The following TBC1D5 variants were observed in gnomAD, a reference collection of about 807,000 sequenced individuals.
TBC1D5 encodes TBC1 domain family, member 5.
A neutral mutation model predicts 100.3 loss-of-function variants in TBC1D5; 75 were observed. The ratio of observed to expected loss-of-function variants is 0.75; its 90% CI spans 0.62 to 0.91. TBC1D5 has a LOEUF of 0.91. Ranked by LOEUF, TBC1D5 falls within the 40% of genes least tolerant of loss-of-function variation. The probability of loss-of-function intolerance (pLI) is 0.00; values close to 1 mark genes in which losing one functional copy is unlikely to be tolerated. For missense variants in TBC1D5, 910 were observed against 942.4 expected (o/e 0.97, Z 0.45); for synonymous variants, 323 against 325.6 (o/e 0.99, Z 0.09).
At chr3:17,304,308 C>A (rs1190026551) in intron 14 of TBC1D5, among the ~76,000 whole-genome samples, 1 of 152,182 alleles carries the variant, frequency 6.6e-6, no homozygotes, top group Non-Finnish European at 1.5e-5. Flanking sequence ...CAGACAAAAT[C>A]CTGTCTCTCA....
rs188794917 is a variant in TBC1D5 at position 17,471,916 on chromosome 3, C to T, written c.97+36558G>A. Among the ~76,000 whole-genome samples, 87 of 152,064 alleles carry T rather than the reference C, an allele frequency of 5.7e-4. 1 individual carries two copies. The East Asian group carries it at 0.012, about 21-fold the overall frequency. On this transcript the variant is annotated intron_variant, in intron 3 of 21. Coordinates refer to ENST00000253692, the Ensembl canonical transcript of TBC1D5. ...TGAATTACACATTTGCTGTGGGAGG[C>T]GGTCAGAACATGAGCAGAGTTACCA...
chr3:17,636,904 G>C (rs1265641673), intron 1 of TBC1D5, among the ~76,000 whole-genome samples: 1 of 152,062 alleles, frequency 6.6e-6, no homozygotes, highest in Non-Finnish European at 1.5e-5. Flanking sequence ...TGATAATTTA[G>C]CATTTGATAA....
At chr3:17,353,347 G>T (rs1243151317) in intron 13 of TBC1D5, among the ~76,000 whole-genome samples, 1 of 151,904 alleles carries the variant, frequency 6.6e-6, no homozygotes, top group Non-Finnish European at 1.5e-5. Context: ...AGAGTATAAG[G>T]TCCATAAGTC....
chr3:17,274,114 AG>A (rs1447224481), intron 15 of TBC1D5, among the ~76,000 whole-genome samples: 2 of 152,184 alleles, frequency 1.3e-5, no homozygotes, highest in African/African-American at 4.8e-5. Flanking sequence ...CCACATCAAA[AG>A]GAATAGTTGG....
At position 17,680,888 on chromosome 3, in the gene TBC1D5, T is replaced by C. The variant is rs564467058; in HGVS notation, c.-100-56975A>G. 9.5e-4 allele frequency among the ~76,000 whole-genome samples: 144 copies of C among 151,548 alleles called. 7 individuals are homozygous for C. Among genetic ancestry groups the C allele is most frequent in the African/African-American group, 3.4e-3 (138 of 40,852 alleles). On this transcript the variant is annotated intron_variant, in intron 1 of 21. Coordinates refer to ENST00000253692, the Ensembl canonical transcript of TBC1D5. The stretch of plus-strand genomic sequence containing the variant: ...TTAATTAGTCCAGAATTCAAATACA[T>C]GCCAAATTTTGCAACCACATGGGAG...
chr3:17,649,817 C>T (rs1212153086), intron 1 of TBC1D5, among the ~76,000 whole-genome samples: 2 of 152,178 alleles, frequency 1.3e-5, no homozygotes, highest in Non-Finnish European at 2.9e-5. Context: ...GATTATAAAT[C>T]ATTCTACTAT....
intron 3 of TBC1D5, among the ~76,000 whole-genome samples, chr3:17,442,963 G>A (rs1413518723): frequency 3.3e-5 from 5 of 151,760 alleles, no homozygotes; most frequent in Non-Finnish European, 5.9e-5. Context: ...GGGAGGAAAG[G>A]GAAGAGAGGA....
intron 1 of TBC1D5, among the ~76,000 whole-genome samples, chr3:17,629,713 A>C (rs2063339721): frequency 1.3e-5 from 2 of 152,222 alleles, no homozygotes; most frequent in African/African-American, 4.8e-5. Flanking sequence ...ATAGGCCCCC[A>C]AAAGAAGCTA....
intron 2 of TBC1D5, among the ~76,000 whole-genome samples, chr3:17,566,714 T>A (rs2096596158): frequency 6.6e-6 from 1 of 151,882 alleles, no homozygotes; most frequent in Non-Finnish European, 1.5e-5. Flanking sequence ...TTCACAAATA[T>A]ATGCATATAT....
intron 15 of TBC1D5, among the ~76,000 whole-genome samples, chr3:17,286,526 G>C (rs1034712678): frequency 6.6e-6 from 1 of 152,122 alleles, no homozygotes; most frequent in Admixed American, 6.6e-5. Context: ...GTTCTAATAT[G>C]ATAAAGACAA....
rs140733684 is a variant in TBC1D5, at chr3:17,528,061, G to C, written c.-35-19456C>G. Among the ~76,000 whole-genome samples the C allele has an allele frequency of 2.0e-5, 3 of 152,026 alleles. 1 individual carries two copies. The South Asian group carries it at 6.2e-4, about 32-fold the overall frequency. ...CAACAGTATTAGGTTTTTTAGGGGG[G>C]GCTGGGAGGGGTGGCTGAGACAAGG... On this transcript the variant is annotated intron_variant, in intron 2 of 21. Transcript: ENST00000253692.
intron 1 of TBC1D5, among the ~76,000 whole-genome samples, chr3:17,725,444 G>A (rs2076043823): frequency 2.0e-5 from 3 of 151,768 alleles, no homozygotes; most frequent in Admixed American, 6.6e-5. Flanking sequence ...CTGTGGGCAA[G>A]AGCATAGCAG....
chr3:17,289,632 CAA>C (rs34174909), intron 15 of TBC1D5, among the ~76,000 whole-genome samples: 62 of 129,616 alleles, frequency 4.8e-4, no homozygotes, highest in East Asian at 1.8e-3. Flanking sequence ...GACTCCATCT[CAA>C]AAAAAAAAAA....
chr3:17,371,602 T>C (rs1394315478), intron 13 of TBC1D5, among the ~76,000 whole-genome samples: 1 of 152,118 alleles, frequency 6.6e-6, no homozygotes, highest in Non-Finnish European at 1.5e-5. Flanking sequence ...TGAGATACCA[T>C]ACACAGGTGA....
intron 4 of TBC1D5, among the ~76,000 whole-genome samples, chr3:17,411,956 TATTA>T (rs1294961937): frequency 4.6e-5 from 7 of 152,194 alleles, no homozygotes; most frequent in Non-Finnish European, 8.8e-5. Context: ...CATAATAATA[TATTA>T]ATTGTCTTTC....
intron 13 of TBC1D5, among the ~76,000 whole-genome samples, chr3:17,319,403 C>G (rs913791221): frequency 6.7e-6 from 1 of 150,066 alleles, no homozygotes; most frequent in Non-Finnish European, 1.5e-5. Context: ...AAAATGGAAA[C>G]TATGTGGAGT....
chr3:17,483,859 T>C lies in TBC1D5; in HGVS notation c.97+24615A>G, dbSNP rs527619751. On this transcript the variant is annotated intron_variant, in intron 3 of 21. Transcript: ENST00000253692. ...ACAGCTGTAAAAAATAATTTAACCT[T>C]TGAAAGAGTAAAAAATAAATACTGT... Among the ~76,000 whole-genome samples, 4 of 152,280 alleles carry C rather than the reference T, an allele frequency of 2.6e-5. No individual in the cohort carries two copies. In the East Asian group the frequency reaches 7.7e-4, roughly 29 times the overall value.
At chr3:17,493,922 T>A (rs1576345798) in intron 3 of TBC1D5, among the ~76,000 whole-genome samples, 1 of 152,176 alleles carries the variant, frequency 6.6e-6, no homozygotes, top group Non-Finnish European at 1.5e-5. Flanking sequence ...TGAAGCCTAT[T>A]TCTGTCAGTT....
At chr3:17,654,816 T>C (rs1468598727) in intron 1 of TBC1D5, among the ~76,000 whole-genome samples, 1 of 152,160 alleles carries the variant, frequency 6.6e-6, no homozygotes, top group African/African-American at 2.4e-5. Flanking sequence ...GGTAAGCTAT[T>C]GATTATTGCC....
Sources: allele counts gnomAD v4.1 joint callset (sites outside exome capture counted in the v4.1 genomes callset), GRCh38; gene constraint gnomAD v4.1.1; transcripts MANE v1.5; gene names NCBI Gene and HGNC (gene_info 2026-07-23, HGNC 2026-07-21).